FKBP7: variants seen among roughly 807,000 people sequenced by gnomAD.
FKBP7 encodes the protein peptidyl-prolyl cis-trans isomerase FKBP7.
Under a neutral mutation model 24.3 loss-of-function variants are expected in FKBP7, and 24 were observed. The ratio of observed to expected loss-of-function variants is 0.99; its 90% CI spans 0.72 to 1.39. FKBP7 has a LOEUF of 1.39. Ranked by LOEUF, FKBP7 falls within the 40% of genes most tolerant of loss-of-function variation. The pLI, the probability that FKBP7 is intolerant of heterozygous loss-of-function variation, is 0.00. For missense variants in FKBP7, 257 were observed against 269.5 expected (o/e 0.95, Z 0.33); for synonymous variants, 98 against 92.8 (o/e 1.06, Z -0.32).
At chr2:178,473,176 A>C (rs780747118) in intron 2 of FKBP7, 1 of 940,894 alleles carries the variant, frequency 1.1e-6, no homozygotes, top group South Asian at 1.4e-5. Context: ...TTAGGTCTTA[A>C]TAACAACTTA....
chr2:178,471,066 T>C (rs1463064927), intron 2 of FKBP7, among the ~76,000 whole-genome samples: 2 of 151,998 alleles, frequency 1.3e-5, no homozygotes, highest in Non-Finnish European at 2.9e-5. Flanking sequence ...GGTTTCACTA[T>C]GTTGGCCAGG....
intron 2 of FKBP7, among the ~76,000 whole-genome samples, chr2:178,471,217 T>A (rs1684840595): frequency 6.6e-6 from 1 of 151,720 alleles, no homozygotes; most frequent in Non-Finnish European, 1.5e-5. Context: ...ACAGATTTTT[T>A]TTTTTTTTTT....
chr2:178,469,504 C>G (rs559929551), intron 3 of FKBP7, 148 bp downstream of exon 3: 2 of 799,920 alleles, frequency 2.5e-6, no homozygotes, highest in Non-Finnish European at 4.0e-6. Context: ...TTTTTCTAAG[C>G]GCTTAGATTA....
rs534455369 is a variant in FKBP7, at chr2:178,464,992, T to C, written c.*778A>G. ...ATTTCATGGCATCAATTTAAAACTA[T>C]CAAGACAAAAGCTTGGGGTGGCAGA... On this transcript the variant is annotated 3_prime_UTR_variant, in exon 4 of 4. Coordinates refer to ENST00000424785, the MANE Select transcript of FKBP7 (RefSeq NM_181342.3). 6.6e-6 allele frequency: 1 copy of C among 152,246 alleles called. No homozygotes were observed. The allele number at this position is 152,246 out of a possible 1,614,324, so 9.4% of individuals were successfully genotyped here. A position where few individuals can be genotyped will look rare whatever the true frequency, so the allele number is the denominator to read the frequency against.
chr2:178,473,145 A>G (rs772850862), intron 2 of FKBP7: 7 of 1,238,862 alleles, frequency 5.7e-6, no homozygotes, highest in Non-Finnish European at 6.5e-6. Flanking sequence ...AGTACTACCT[A>G]AAATAAAGTT....
At chr2:178,469,890 T>G (rs1016085541) in intron 2 of FKBP7, 105 bp from the exon 3 acceptor site, 31 of 879,826 alleles carry the variant, frequency 3.5e-5, no homozygotes, top group Non-Finnish European at 4.8e-5. Flanking sequence ...TGATAAGAAT[T>G]GCTATCTGAA....
In FKBP7 at chr2:178,477,122, G is replaced by C. The variant is rs758740203; in HGVS notation, c.313C>G (p.Pro105Ala). 1.2e-6 allele frequency: 2 copies of C among 1,612,668 alleles called. No individual in the cohort carries two copies. Among genetic ancestry groups the C allele is most frequent in the East Asian group, 2.2e-5 (1 of 44,800 alleles). ...GLDIAMTDMC[P>A]GEKRKVVIPP... ...ATAACTACTTTTCGCTTTTCTCCAG[G>C]GCACATATCTGTCATAGCAATGTCT... Residue 105 changes from proline to alanine, a missense_variant, in exon 2 of 4, where the codon CCT becomes GCT. Coordinates refer to ENST00000424785, the MANE Select transcript of FKBP7 (RefSeq NM_181342.3).
At chr2:178,470,886 TA>T (rs1323616634) in intron 2 of FKBP7, among the ~76,000 whole-genome samples, 11 of 152,354 alleles carry the variant, frequency 7.2e-5, no homozygotes, top group South Asian at 2.1e-4. Context: ...TATTTTTATT[TA>T]TTTTTTTTGA....
chr2:178,466,144 T>C (rs1684650033), intron 3 of FKBP7, among the ~76,000 whole-genome samples: 1 of 152,184 alleles, frequency 6.6e-6, no homozygotes, highest in African/African-American at 2.4e-5. Flanking sequence ...TTCCCTAAGA[T>C]GATAGATGGT....
At position 178,478,540 on chromosome 2, in the gene FKBP7, C is replaced by G. The variant is rs1480696835; in HGVS notation, c.-41G>C. 6.2e-7 allele frequency: 1 copy of G among 1,608,386 alleles called. No homozygotes were observed. Among genetic ancestry groups the G allele is most frequent in the Non-Finnish European group, 8.5e-7 (1 of 1,177,646 alleles). ...ACTGCTCTCCCTCCCGCGTGTCACT[C>G]GCGCCCCGTGGATGTCCCGCGGCCG... On this transcript the variant is annotated 5_prime_UTR_variant, in exon 1 of 4. Transcript: ENST00000424785.
At chr2:178,472,444 CAT>C (rs572269834) in intron 2 of FKBP7, among the ~76,000 whole-genome samples, 170 of 151,902 alleles carry the variant, frequency 1.1e-3, no homozygotes, top group African/African-American at 3.6e-3. Context: ...TTGCTATAAA[CAT>C]AGAAAATATT....
In FKBP7 at chr2:178,477,057, C is replaced by T; in HGVS notation, c.373+5G>A. ...AAAACAAGAAATTAAAATTAAACATCTTACCATAGCCTTCCTTTCCGTATG... is the reference window on the plus strand; with the variant it reads ...AAAACAAGAAATTAAAATTAAACATTTTACCATAGCCTTCCTTTCCGTATG... On this transcript the variant is annotated splice_donor_5th_base_variant and intron_variant, in intron 2 of 3. Coordinates refer to ENST00000424785, the MANE Select transcript of FKBP7 (RefSeq NM_181342.3). 1.3e-6 allele frequency: 2 copies of T among 1,571,606 alleles called. No individual in the cohort carries two copies. The highest frequency in any genetic ancestry group is 1.7e-6 in the Non-Finnish European group (2 of 1,163,792).
chr2:178,469,861 A>G, intron 2 of FKBP7, 76 bp from the exon 3 acceptor site: 1 of 1,150,194 alleles, frequency 8.7e-7, no homozygotes, highest in Non-Finnish European at 1.2e-6. Context: ...TGCCATAACC[A>G]TATTATATTA....
chr2:178,474,699 T>C (rs1684953195), intron 2 of FKBP7, among the ~76,000 whole-genome samples: 1 of 152,202 alleles, frequency 6.6e-6, no homozygotes, highest in South Asian at 2.1e-4. Flanking sequence ...TGTCCACTTT[T>C]TTTTTTGAGC....
chr2:178,477,605 TA>T (rs1685046646), intron 1 of FKBP7, among the ~76,000 whole-genome samples: 1 of 152,032 alleles, frequency 6.6e-6, no homozygotes, highest in African/African-American at 2.4e-5. Context: ...TAAAATGGTA[TA>T]TTTTCTTATT....
At position 178,476,491 on chromosome 2, in the gene FKBP7, C is replaced by A. The variant is rs141672329; in HGVS notation, c.373+571G>T. Among the ~76,000 whole-genome samples the A allele has an allele frequency of 6.7e-3, 1,027 of 152,274 alleles. 13 individuals are homozygous for A. The highest frequency in any genetic ancestry group is 0.024 in the African/African-American group (977 of 41,546). Reference sequence around the variant, plus strand: ...AAAATGAAACTCTATACCCATTGGTCAACAATTCCCCTTTTCCCTCTCACT... The same window carrying A: ...AAAATGAAACTCTATACCCATTGGTAAACAATTCCCCTTTTCCCTCTCACT... On this transcript the variant is annotated intron_variant, in intron 2 of 3. Coordinates refer to ENST00000424785, the MANE Select transcript of FKBP7 (RefSeq NM_181342.3).
intron 2 of FKBP7, among the ~76,000 whole-genome samples, chr2:178,470,960 C>T (rs1212424013): frequency 6.6e-6 from 1 of 152,108 alleles, no homozygotes; most frequent in Non-Finnish European, 1.5e-5. Flanking sequence ...TTACTGCAGC[C>T]TCTGCCTCTT....
rs1378749736 is a variant in FKBP7 at position 178,478,278 on chromosome 2, C to T, written c.221+1G>A. 6.2e-7 allele frequency: 1 copy of T among 1,613,860 alleles called. No homozygotes were observed. Among genetic ancestry groups the T allele is most frequent in the African/African-American group, 1.3e-5 (1 of 74,880 alleles). On this transcript the variant is annotated splice_donor_variant, in intron 1 of 3. Coordinates refer to ENST00000424785, the MANE Select transcript of FKBP7 (RefSeq NM_181342.3). LOFTEE classifies it high-confidence loss of function. The stretch of plus-strand genomic sequence containing the variant: ...CACGGGCAGCTCGCAGCATTTCCTA[C>T]CTGCAGTAGAATTTCGAGCCGTCTT...
At chr2:178,469,165 CA>C (rs1684773649) in intron 3 of FKBP7, among the ~76,000 whole-genome samples, 1 of 152,162 alleles carries the variant, frequency 6.6e-6, no homozygotes, top group Non-Finnish European at 1.5e-5. Flanking sequence ...GCCACATGCC[CA>C]GCCCAATTAT....
Sources: allele counts gnomAD v4.1 joint callset (sites outside exome capture counted in the v4.1 genomes callset), GRCh38; gene constraint gnomAD v4.1.1; transcripts MANE v1.5; gene names NCBI Gene and HGNC (gene_info 2026-07-23, HGNC 2026-07-21).